Variants in PALM2AKAP2 observed in about 807,000 individuals in gnomAD.
PALM2AKAP2 encodes the protein PALM2 and AKAP2 fusion, also known as PALM2-AKAP2 fusion protein.
A neutral mutation model predicts 71.5 loss-of-function variants in PALM2AKAP2; 37 were observed. The observed-to-expected ratio is 0.52, with a 90% CI of 0.40 to 0.68. The LOEUF (loss-of-function observed/expected upper bound fraction) is 0.68. PALM2AKAP2 is among the 30% of genes least tolerant of loss of function. The pLI is 0.00. For synonymous variants in PALM2AKAP2, 468 were observed against 478.8 expected, an observed-to-expected ratio of 0.98 and a Z score of 0.29; for missense variants, 1,224 against 1,191.8, an observed-to-expected ratio of 1.03 and a Z score of -0.40.
chr9:110,092,121 C>A (rs1207940983), intron 1 of PALM2AKAP2, among the ~76,000 whole-genome samples: 1 of 152,188 alleles, frequency 6.6e-6, no homozygotes, highest in Non-Finnish European at 1.5e-5. Flanking sequence ...CACCTGAGGT[C>A]AGGAGTTCAA....
intron 1 of PALM2AKAP2, among the ~76,000 whole-genome samples, chr9:110,107,906 A>G (rs1835155457): frequency 6.6e-6 from 1 of 152,284 alleles, no homozygotes; most frequent in East Asian, 1.9e-4. Flanking sequence ...GATATGAACA[A>G]TATTGTGAAT....
chr9:109,659,223 G>T (rs1446177741), intron 1 of PALM2AKAP2, among the ~76,000 whole-genome samples: 1 of 152,170 alleles, frequency 6.6e-6, no homozygotes, highest in Non-Finnish European at 1.5e-5. Context: ...GCTTTTTTGA[G>T]AGATGATTTA....
rs548239135 is a variant in PALM2AKAP2, at chr9:109,674,824, G to A, written c.5+33958G>A. The stretch of plus-strand genomic sequence containing the variant: ...ATATTACCTGAATAGAGGAGATCCC[G>A]CATCTTAAAAATCAAATATAGATAG... On this transcript the variant is annotated intron_variant, in intron 1 of 6. Transcript: ENST00000374531. Among the ~76,000 whole-genome samples, 184 of 152,066 alleles carry A rather than the reference G, an allele frequency of 1.2e-3. 2 individuals are homozygous for A. The highest frequency in any genetic ancestry group is 3.7e-3 in the South Asian group (18 of 4,816).
intron 3 of PALM2AKAP2, among the ~76,000 whole-genome samples, chr9:110,166,485 A>G (rs1222699318): frequency 3.3e-5 from 5 of 152,240 alleles, no homozygotes; most frequent in Admixed American, 6.5e-5. Context: ...TTTCAGTTCC[A>G]TGCTACCACA....
At chr9:110,098,844 C>T (rs76539778) in intron 1 of PALM2AKAP2, among the ~76,000 whole-genome samples, 58 of 152,164 alleles carry the variant, frequency 3.8e-4, no homozygotes, top group African/African-American at 1.3e-3. Context: ...TCCACATTTT[C>T]GAAGACTTCA....
chr9:109,828,161 T>C (rs568413830), intron 1 of PALM2AKAP2, among the ~76,000 whole-genome samples: 12 of 152,192 alleles, frequency 7.9e-5, no homozygotes, highest in Non-Finnish European at 1.6e-4. Context: ...TTGCATTTCC[T>C]CTCTAGAATG....
At position 110,011,726 on chromosome 9, in the gene PALM2AKAP2, G is replaced by A. The variant is rs148623879; in HGVS notation, c.497-4228G>A. Among the ~76,000 whole-genome samples, 1,307 of 152,278 alleles carry A rather than the reference G, an allele frequency of 8.6e-3. 7 individuals are homozygous for A. Among genetic ancestry groups the A allele is most frequent in the Non-Finnish European group, 0.014 (934 of 68,000 alleles). On this transcript the variant is annotated intron_variant, in intron 6 of 9. Coordinates refer to the PALM2AKAP2 transcript ENST00000302798. ...AAAATTGGCCTGTAGTCTACTGTGC[G>A]CAGTGTGTGGGTTAAGTGCTTTCTC...
intron 1 of PALM2AKAP2, among the ~76,000 whole-genome samples, chr9:109,817,661 A>G (rs1827886779): frequency 1.3e-5 from 2 of 152,216 alleles, no homozygotes; most frequent in Admixed American, 1.3e-4. Flanking sequence ...GATGCTCAGA[A>G]TTCCCTAACC....
chr9:110,168,722 T>C (rs561215855), exon 4 of PALM2AKAP2: 6 of 511,042 alleles, frequency 1.2e-5, no homozygotes, highest in African/African-American at 9.9e-5. Flanking sequence ...ACTTTTTTGG[T>C]GACTCAATCC....
At chr9:110,004,285 A>C in intron 6 of PALM2AKAP2, among the ~76,000 whole-genome samples, 1 of 152,118 alleles carries the variant, frequency 6.6e-6, no homozygotes, top group Non-Finnish European at 1.5e-5. Flanking sequence ...TCCTTCACTT[A>C]TGAAGCTTAG....
chr9:110,120,546 A>G (rs1471304976), intron 1 of PALM2AKAP2, among the ~76,000 whole-genome samples: 1 of 152,242 alleles, frequency 6.6e-6, no homozygotes, highest in African/African-American at 2.4e-5. Context: ...TCTGTTGCCC[A>G]GGCTGGAGTG....
intron 2 of PALM2AKAP2, among the ~76,000 whole-genome samples, chr9:110,142,344 T>G (rs1355035395): frequency 6.6e-6 from 1 of 152,108 alleles, no homozygotes; most frequent in Non-Finnish European, 1.5e-5. Flanking sequence ...CCGCCCGCCT[T>G]GGCCTCCCAA....
chr9:109,873,626 A>G (rs1740384640), intron 2 of PALM2AKAP2, among the ~76,000 whole-genome samples: 1 of 152,226 alleles, frequency 6.6e-6, no homozygotes, highest in Non-Finnish European at 1.5e-5. Context: ...TCACAGGTGA[A>G]TATTTTTATA....
At position 109,910,638 on chromosome 9, in the gene PALM2AKAP2, G is replaced by A. The variant is rs559459672; in HGVS notation, c.258-13097G>A. ...CCACACCAAAGAGGGTCCGCTGGAC[G>A]TGGCAGTCATGGACTTGACTAGGAG... On this transcript the variant is annotated intron_variant, in intron 3 of 9. Transcript: ENST00000302798. Among the ~76,000 whole-genome samples the A allele has an allele frequency of 3.3e-5, 5 of 152,320 alleles. No individual in the cohort carries two copies. The South Asian group carries it at 8.3e-4, about 25-fold the overall frequency.
At chr9:110,007,277 A>G (rs963022382) in intron 6 of PALM2AKAP2, among the ~76,000 whole-genome samples, 2 of 152,318 alleles carry the variant, frequency 1.3e-5, no homozygotes, top group Non-Finnish European at 2.9e-5. Context: ...ATATGAGCCA[A>G]TCAATCCTCT....
At chr9:109,923,257 C>A (rs909086636) in intron 3 of PALM2AKAP2, among the ~76,000 whole-genome samples, 1 of 152,184 alleles carries the variant, frequency 6.6e-6, no homozygotes, top group South Asian at 2.1e-4. Flanking sequence ...GGAGAGGACA[C>A]CAGGCTCCCA....
intron 7 of PALM2AKAP2, among the ~76,000 whole-genome samples, chr9:110,021,504 T>C (rs1454395175): frequency 6.6e-6 from 1 of 152,220 alleles, no homozygotes; most frequent in African/African-American, 2.4e-5. Context: ...CCTATGCTTC[T>C]TGAGTGCAAA....
intron 3 of PALM2AKAP2, among the ~76,000 whole-genome samples, chr9:109,881,739 A>T (rs2131766109): frequency 6.6e-6 from 1 of 152,238 alleles, no homozygotes; most frequent in South Asian, 2.1e-4. Context: ...ACCTAGCCAG[A>T]GAGATATGAG....
upstream of PALM2AKAP2, chr9:110,048,679 G>C (rs1334507617): frequency 4.6e-6 from 7 of 1,519,578 alleles, no homozygotes; most frequent in African/African-American, 5.7e-5. Context: ...CAGCGCGCCC[G>C]GAGGCTACCA....
Sources: gnomAD v4.1 joint callset for allele counts (sites outside exome capture counted in the v4.1 genomes callset) on GRCh38, gnomAD v4.1.1 for gene constraint, MANE v1.5 for transcripts, NCBI Gene and HGNC (gene_info 2026-07-23, HGNC 2026-07-21) for gene names.